Variants in CD1B observed in about 807,000 individuals in gnomAD.
The protein encoded by CD1B is T-cell surface glycoprotein CD1b.
CD1B carries 43 observed loss-of-function variants against 39.8 expected under a neutral mutation model. The observed-to-expected ratio is 1.08, with a 90% confidence interval of 0.85 to 1.39. The LOEUF (loss-of-function observed/expected upper bound fraction) is 1.39. CD1B is among the 40% of genes most tolerant of loss of function. The pLI is 0.00. For synonymous variants in CD1B, 192 were observed against 152.5 expected, an observed-to-expected ratio of 1.26 and a Z score of -1.91; for missense variants, 495 against 403.8, an observed-to-expected ratio of 1.23 and a Z score of -1.94.
At chr1:158,307,112 A>G in the CD1B span, among the ~76,000 whole-genome samples, 25 of 152,360 alleles carry the variant, frequency 1.6e-4, 1 homozygote, top group Non-Finnish European at 3.1e-4. Context: ...AGAGACACAA[A>G]AACCCTTCAA....
intron 1 of CD1B, 77 bp downstream of exon 1, chr1:158,331,286 C>A: frequency 7.3e-7 from 1 of 1,360,760 alleles, no homozygotes; most frequent in Non-Finnish European, 1.0e-6. Context: ...TGTCCAATTG[C>A]ACCTAGGAAA....
the CD1B span, among the ~76,000 whole-genome samples, chr1:158,305,236 C>T: frequency 6.6e-6 from 1 of 152,134 alleles, no homozygotes; most frequent in South Asian, 2.1e-4. Context: ...GCAGAGAAGT[C>T]TTTAAAGGAC....
the CD1B span, among the ~76,000 whole-genome samples, chr1:158,311,711 A>T: frequency 2.0e-5 from 3 of 152,132 alleles, no homozygotes; most frequent in African/African-American, 7.2e-5. Context: ...GTTCTTCTGC[A>T]TATGGATATT....
the CD1B span, among the ~76,000 whole-genome samples, chr1:158,297,025 A>C: frequency 6.6e-6 from 1 of 152,214 alleles, no homozygotes; most frequent in Admixed American, 6.5e-5. Context: ...TTGAAAACAT[A>C]TATGAGGATA....
chr1:158,317,717 T>C, the CD1B span, among the ~76,000 whole-genome samples: 1 of 152,216 alleles, frequency 6.6e-6, no homozygotes, highest in Non-Finnish European at 1.5e-5. Context: ...TTTGAATGTG[T>C]TTGCTCTTGC....
At chr1:158,304,132 C>T in the CD1B span, among the ~76,000 whole-genome samples, 2 of 152,104 alleles carry the variant, frequency 1.3e-5, no homozygotes, top group Non-Finnish European at 2.9e-5. Context: ...AGAGCCAAAG[C>T]AGGATGAGGC....
At chr1:158,315,625 G>T in the CD1B span, among the ~76,000 whole-genome samples, 1 of 151,460 alleles carries the variant, frequency 6.6e-6, no homozygotes, top group South Asian at 2.1e-4. Context: ...CACTCTGATG[G>T]TAGTTTCTTT....
chr1:158,322,942 G>T, the CD1B span, among the ~76,000 whole-genome samples: 1 of 152,038 alleles, frequency 6.6e-6, no homozygotes, highest in Non-Finnish European at 1.5e-5. Context: ...TTTTTATTTC[G>T]AGAGTCAAAG....
chr1:158,292,550 T>C, the CD1B span: 1 of 1,591,396 alleles, frequency 6.3e-7, no homozygotes, highest in Non-Finnish European at 8.6e-7. Context: ...TGGATGTAAG[T>C]TGTGTGTAAG....
chr1:158,298,090 G>T, the CD1B span, among the ~76,000 whole-genome samples: 1 of 152,156 alleles, frequency 6.6e-6, no homozygotes, highest in African/African-American at 2.4e-5. Flanking sequence ...AGCAGGGGTT[G>T]CTATTTTTAT....
chr1:158,329,669 A>G, intron 3 of CD1B, 21 bp from the exon 4 acceptor site: 1 of 1,610,436 alleles, frequency 6.2e-7, no homozygotes, highest in South Asian at 1.1e-5. Flanking sequence ...AAGGAGAAAA[A>G]AAAGTGTCAT....
chr1:158,319,697 T>C, the CD1B span, among the ~76,000 whole-genome samples: 2 of 152,246 alleles, frequency 1.3e-5, no homozygotes, highest in Non-Finnish European at 2.9e-5. Context: ...TTTGTTCCAT[T>C]GCTGGTGAGG....
the CD1B span, among the ~76,000 whole-genome samples, chr1:158,289,560 T>G: frequency 4.6e-5 from 7 of 152,064 alleles, no homozygotes; most frequent in African/African-American, 1.2e-4. Context: ...AAGAGAAAAC[T>G]TTGAGGACAT....
At chr1:158,289,807 A>G in the CD1B span, 2 of 411,666 alleles carry the variant, frequency 4.9e-6, no homozygotes, top group African/African-American at 4.0e-5. Context: ...GAAGGGAAGT[A>G]GATATAATGG....
the CD1B span, among the ~76,000 whole-genome samples, chr1:158,301,610 T>C: frequency 6.6e-6 from 1 of 152,214 alleles, no homozygotes; most frequent in African/African-American, 2.4e-5. Context: ...ATGTTGAATA[T>C]TGGCCCCCAC....
chr1:158,323,743 G>A (rs760829596), downstream of CD1B, among the ~76,000 whole-genome samples: 2 of 152,172 alleles, frequency 1.3e-5, no homozygotes, highest in African/African-American at 2.4e-5. Flanking sequence ...AGTCTCATGA[G>A]GGCTGTCAGG....
chr1:158,330,352 A>T (rs1428996213), intron 2 of CD1B, among the ~76,000 whole-genome samples: 2 of 152,174 alleles, frequency 1.3e-5, no homozygotes, highest in East Asian at 3.9e-4. Context: ...GAGTACAGTG[A>T]GTATGAAAGG....
the CD1B span, among the ~76,000 whole-genome samples, chr1:158,322,092 A>G: frequency 6.6e-6 from 1 of 152,202 alleles, no homozygotes; most frequent in Non-Finnish European, 1.5e-5. Context: ...GTCCCAATTT[A>G]CATCTTTTGT....
the CD1B span, among the ~76,000 whole-genome samples, chr1:158,311,957 C>A: frequency 6.6e-6 from 1 of 151,916 alleles, no homozygotes; most frequent in African/African-American, 2.4e-5. Context: ...CCTTTTTGCT[C>A]AAGATTACTT....
Sources: gnomAD v4.1 joint callset for allele counts (sites outside exome capture counted in the v4.1 genomes callset) on GRCh38, gnomAD v4.1.1 for gene constraint, MANE v1.5 for transcripts, NCBI Gene and HGNC (gene_info 2026-07-23, HGNC 2026-07-21) for gene names.